The following IL1RAPL1 variants were observed in gnomAD, a reference collection of about 807,000 sequenced individuals.
IL1RAPL1 encodes the protein interleukin-1 receptor accessory protein-like 1.
A neutral mutation model predicts 48.4 loss-of-function variants in IL1RAPL1; 3 were observed. The ratio of observed to expected loss-of-function variants is 0.06; its 90% CI spans 0.03 to 0.16. The LOEUF (loss-of-function observed/expected upper bound fraction) is 0.16. Among genes scored for constraint, IL1RAPL1 ranks in the 10% least tolerant of loss-of-function variants. The probability of loss-of-function intolerance (pLI) is 1.00; values close to 1 mark genes in which losing one functional copy is unlikely to be tolerated. For synonymous variants in IL1RAPL1, 185 were observed against 187.7 expected (o/e 0.99, Z 0.12); for missense variants, 349 against 530.6 (o/e 0.66, Z 3.36).
At chrX:29,518,490 TATG>T (rs1300591553) in intron 5 of IL1RAPL1, among the ~76,000 whole-genome samples, 12 of 110,706 alleles carry the variant, frequency 1.1e-4, no homozygotes. Flanking sequence ...CACTTTAAAA[TATG>T]ATGATTAGGG....
chrX:29,055,310 G>A (rs1229219192), intron 2 of IL1RAPL1, among the ~76,000 whole-genome samples: 1 of 111,039 alleles, frequency 9.0e-6, no homozygotes, highest in African/African-American at 3.3e-5. Context: ...TCTAATGAAA[G>A]TCCAGATAAG....
intron 6 of IL1RAPL1, among the ~76,000 whole-genome samples, chrX:29,672,499 C>G (rs764912695): frequency 9.0e-6 from 1 of 111,386 alleles, no homozygotes; most frequent in African/African-American, 3.3e-5. Context: ...TTGAGTTTAT[C>G]CGTATTTGAA....
At chrX:29,012,139 G>C (rs1926136953) in intron 2 of IL1RAPL1, among the ~76,000 whole-genome samples, 1 of 112,543 alleles carries the variant, frequency 8.9e-6, no homozygotes, top group Admixed American at 9.4e-5. Context: ...TGGAAAAGCA[G>C]TTCAGAGAAA....
At chrX:29,888,093 G>A (rs1480865221) in intron 6 of IL1RAPL1, among the ~76,000 whole-genome samples, 1 of 111,035 alleles carries the variant, frequency 9.0e-6, no homozygotes, top group Non-Finnish European at 1.9e-5. Context: ...CTCAATTTTG[G>A]ATGAGAATTT....
chrX:29,386,259 A>T lies in IL1RAPL1; in HGVS notation c.363-9999A>T, dbSNP rs1271860792. Among the ~76,000 whole-genome samples the T allele has an allele frequency of 1.2e-4, 13 of 110,784 alleles. No homozygotes were observed. The South Asian group carries it at 4.6e-3, about 39-fold the overall frequency. On this transcript the variant is annotated intron_variant, in intron 3 of 10. Coordinates refer to ENST00000378993, the MANE Select transcript of IL1RAPL1 (RefSeq NM_014271.4). ...TGGCCAGGCTGGTCTTGAACTCCTGACCTCGTGATCCACCTGCCTTGGCCT... is the reference window on the plus strand; with the variant it reads ...TGGCCAGGCTGGTCTTGAACTCCTGTCCTCGTGATCCACCTGCCTTGGCCT...
rs188571633 is a variant in IL1RAPL1, at chrX:29,642,801, T to C, written c.704-25629T>C. On this transcript the variant is annotated intron_variant, in intron 5 of 10. Coordinates refer to ENST00000378993, the MANE Select transcript of IL1RAPL1 (RefSeq NM_014271.4). ...ATTATGTGCTACGGCATGAGAAATG[T>C]TGAGAGTTAGTCTAGTCCAGTACTG... Among the ~76,000 whole-genome samples, 237 of 112,446 alleles carry C rather than the reference T, an allele frequency of 2.1e-3. 1 individual carries two copies. The highest frequency in any genetic ancestry group is 7.2e-3 in the African/African-American group (222 of 30,981).
At chrX:29,629,863 A>G (rs775487993) in intron 5 of IL1RAPL1, among the ~76,000 whole-genome samples, 7 of 111,883 alleles carry the variant, frequency 6.3e-5, no homozygotes, top group African/African-American at 9.8e-5. Flanking sequence ...TCATTTTTGC[A>G]TCTTCCTCTC....
chrX:29,422,937 A>G lies in IL1RAPL1; in HGVS notation c.703+23629A>G, dbSNP rs377622600. 4.5e-5 allele frequency among the ~76,000 whole-genome samples: 5 copies of G among 111,876 alleles called. No individual in the cohort carries two copies. In the East Asian group the frequency reaches 1.1e-3, roughly 25 times the overall value. ...GCCTTGATGAAATGGATGGTTGGAT[A>G]TGCCTCATTATACTTTCCTCCCTTT... is the stretch of plus-strand genomic sequence containing the variant. On this transcript the variant is annotated intron_variant, in intron 5 of 10. Transcript: ENST00000378993.
chrX:28,975,700 T>C (rs1382241987), intron 2 of IL1RAPL1, among the ~76,000 whole-genome samples: 1 of 112,252 alleles, frequency 8.9e-6, no homozygotes, highest in Non-Finnish European at 1.9e-5. Context: ...TGTTTTCTAA[T>C]GTAAAGAGAT....
rs902028074 is a variant in IL1RAPL1, at chrX:29,455,728, A to G, written c.703+56420A>G. Among the ~76,000 whole-genome samples, 3 of 111,787 alleles carry G rather than the reference A, an allele frequency of 2.7e-5. No individual in the cohort carries two copies. The Admixed American group carries it at 2.9e-4, about 11-fold the overall frequency. ...ACACTTCAGGCCCTTACATTTTTAT[A>G]TTGCATGGCATTTGTCTTTTTAATT... On this transcript the variant is annotated intron_variant, in intron 5 of 10. Transcript: ENST00000378993.
At chrX:29,804,314 T>G (rs902342777) in intron 6 of IL1RAPL1, among the ~76,000 whole-genome samples, 3 of 111,334 alleles carry the variant, frequency 2.7e-5, no homozygotes, top group Admixed American at 1.9e-4. Context: ...ATTAAATGTA[T>G]TCAGGGTATG....
intron 2 of IL1RAPL1, among the ~76,000 whole-genome samples, chrX:28,897,257 G>T (rs752581614): frequency 2.7e-5 from 3 of 111,299 alleles, no homozygotes; most frequent in Non-Finnish European, 5.7e-5. Context: ...TGTACTTGCC[G>T]CTAAGGGTGA....
At chrX:29,351,774 G>T (rs1933233828) in intron 3 of IL1RAPL1, among the ~76,000 whole-genome samples, 1 of 111,882 alleles carries the variant, frequency 8.9e-6, no homozygotes, top group Admixed American at 9.5e-5. Context: ...CATGGGCTTG[G>T]TGTTCTTAAC....
chrX:28,707,414 C>T lies in IL1RAPL1; in HGVS notation c.-24-81906C>T, dbSNP rs189654813. On this transcript the variant is annotated intron_variant, in intron 1 of 10. Transcript: ENST00000378993. ...TCTAATTGCTCATGGTGCTAACATA[C>T]TTGTGCAAATAGTACATATCATGTA... 4.6e-3 allele frequency among the ~76,000 whole-genome samples: 512 copies of T among 112,368 alleles called. 2 individuals are homozygous for T. Among genetic ancestry groups the T allele is most frequent in the Non-Finnish European group, 5.6e-3 (299 of 53,313 alleles).
At chrX:29,872,881 TTAAAA>T (rs1304632727) in intron 6 of IL1RAPL1, among the ~76,000 whole-genome samples, 1 of 112,583 alleles carries the variant, frequency 8.9e-6, no homozygotes, top group South Asian at 3.7e-4. Flanking sequence ...TAAGTTTAGT[TTAAAA>T]TAAAAGGTGA....
At chrX:28,795,630 A>G (rs1382756833) in intron 2 of IL1RAPL1, among the ~76,000 whole-genome samples, 1 of 111,248 alleles carries the variant, frequency 9.0e-6, no homozygotes, top group Non-Finnish European at 1.9e-5. Flanking sequence ...AAACTAATTA[A>G]CTTGGAATAT....
intron 6 of IL1RAPL1, among the ~76,000 whole-genome samples, chrX:29,813,013 G>A (rs1930411429): frequency 9.0e-6 from 1 of 111,443 alleles, no homozygotes; most frequent in African/African-American, 3.3e-5. Context: ...CCCGTGCCCT[G>A]TGTGCCACCA....
intron 2 of IL1RAPL1, among the ~76,000 whole-genome samples, chrX:28,928,842 A>G (rs1348748522): frequency 8.9e-6 from 1 of 111,950 alleles, no homozygotes; most frequent in Non-Finnish European, 1.9e-5. Context: ...AATAATCTCC[A>G]TTTTATCCCC....
At chrX:28,940,798 A>G (rs535857189) in intron 2 of IL1RAPL1, among the ~76,000 whole-genome samples, 1 of 110,350 alleles carries the variant, frequency 9.1e-6, no homozygotes, top group African/African-American at 3.3e-5. Context: ...GGCACAAGTC[A>G]GATGAACCCT....
Sources: gnomAD v4.1 joint callset for allele counts (sites outside exome capture counted in the v4.1 genomes callset) on GRCh38, gnomAD v4.1.1 for gene constraint, MANE v1.5 for transcripts, NCBI Gene and HGNC (gene_info 2026-07-23, HGNC 2026-07-21) for gene names.